The following SPANXN1 variants were observed in gnomAD, a reference collection of about 807,000 sequenced individuals.
The protein encoded by SPANXN1 is SPANX family member N1.
SPANXN1 carries 1 observed loss-of-function variant against 2.0 expected under a neutral mutation model. That is an observed-to-expected ratio of 0.50 (90% CI 0.18 to 2.36). The LOEUF (loss-of-function observed/expected upper bound fraction) is 2.36. Among genes scored for constraint, SPANXN1 ranks in the 30% most tolerant of loss-of-function variants. The pLI, the probability that SPANXN1 is intolerant of heterozygous loss-of-function variation, is 0.26. For synonymous variants in SPANXN1, 27 were observed against 21.3 expected, an observed-to-expected ratio of 1.27 and a Z score of -0.74; for missense variants, 55 against 51.8, an observed-to-expected ratio of 1.06 and a Z score of -0.19.
chrX:145,247,717 A>T, intron 1 of SPANXN1, 56 bp downstream of exon 1: 1 of 1,125,070 alleles, frequency 8.9e-7, no homozygotes, highest in Non-Finnish European at 1.2e-6. Context: ...CACACAGAGA[A>T]GGGACGGCTC....
At chrX:145,248,807 G>A (rs1264194572) in intron 1 of SPANXN1, among the ~76,000 whole-genome samples, 9 of 111,599 alleles carry the variant, frequency 8.1e-5, no homozygotes, top group African/African-American at 2.6e-4. Context: ...GGGGAAATGG[G>A]TTTTTGTAAC....
chrX:145,248,599 A>G (rs1556882104), intron 1 of SPANXN1, among the ~76,000 whole-genome samples: 1 of 112,077 alleles, frequency 8.9e-6, no homozygotes, highest in African/African-American at 3.2e-5. Flanking sequence ...AAAGTTGTAG[A>G]TTATGGCGGT....
intron 1 of SPANXN1, among the ~76,000 whole-genome samples, chrX:145,250,204 C>T (rs1449886026): frequency 6.3e-5 from 7 of 111,669 alleles, no homozygotes; most frequent in Admixed American, 5.7e-4. Flanking sequence ...GATGCAAGAG[C>T]GAGTTTAAAC....
At chrX:145,254,563 T>TCC (rs2070800323) in intron 1 of SPANXN1, among the ~76,000 whole-genome samples, 1 of 112,250 alleles carries the variant, frequency 8.9e-6, no homozygotes, top group African/African-American at 3.2e-5. Flanking sequence ...CTATTCATGC[T>TCC]CCCCAGAGGC....
intron 1 of SPANXN1, among the ~76,000 whole-genome samples, chrX:145,250,049 G>A (rs1449150653): frequency 9.0e-6 from 1 of 111,307 alleles, no homozygotes; most frequent in Non-Finnish European, 1.9e-5. Flanking sequence ...CATTTTAACC[G>A]TTAGGGAGAG....
chrX:145,249,144 C>T lies in SPANXN1; in HGVS notation c.75+1483C>T, dbSNP rs183038085. ...AGTAGGTGAGATGCAGGTTTATTTT[C>T]GACCAGGTTTATGTGGCCAGGTTGA... On this transcript the variant is annotated intron_variant, in intron 1 of 1. Coordinates refer to ENST00000370493, the MANE Select transcript of SPANXN1 (RefSeq NM_001009614.3). Among the ~76,000 whole-genome samples, 667 of 110,891 alleles carry T rather than the reference C, an allele frequency of 6.0e-3. 2 individuals are homozygous for T. The highest frequency in any genetic ancestry group is 9.4e-3 in the Non-Finnish European group (500 of 52,958).
rs1556883062 is a variant in SPANXN1, at chrX:145,255,696, T to C, written c.101T>C (p.Leu34Ser). The part of the protein sequence containing the change: ...DEMQETPNRD[L>S]APEPSLKKMK... ...ATGCAGGAGACACCAAACAGGGACT[T>C]AGCCCCCGAACCGAGTTTGAAAAAG... Residue 34 changes from leucine (L) to serine (S), a missense_variant, in exon 2 of 2, where the codon TTA becomes TCA. Coordinates refer to ENST00000370493, the MANE Select transcript of SPANXN1 (RefSeq NM_001009614.3). The C allele has an allele frequency of 8.3e-7, 1 of 1,210,381 alleles. No homozygotes were observed. Among genetic ancestry groups the C allele is most frequent in the African/African-American group, 1.7e-5 (1 of 57,188 alleles).
At chrX:145,247,768 G>A (rs2070767958) in intron 1 of SPANXN1, 107 bp downstream of exon 1, 1 of 945,712 alleles carries the variant, frequency 1.1e-6, no homozygotes, top group East Asian at 3.1e-5. Flanking sequence ...TGTGGAAGTG[G>A]GAGACCCGCT....
intron 1 of SPANXN1, among the ~76,000 whole-genome samples, chrX:145,253,291 T>C (rs2070793695): frequency 9.0e-6 from 1 of 111,147 alleles, no homozygotes; most frequent in African/African-American, 3.3e-5. Context: ...GGAACCCTGT[T>C]GAGTGGCAGC....
At chrX:145,252,951 C>T (rs782518393) in intron 1 of SPANXN1, among the ~76,000 whole-genome samples, 1 of 110,896 alleles carries the variant, frequency 9.0e-6, no homozygotes, top group African/African-American at 3.3e-5. Context: ...TTGGGTAAAA[C>T]CGAGTAACTA....
rs114495158 is a variant in SPANXN1, at chrX:145,252,528, C to T, written c.76-3143C>T. On this transcript the variant is annotated intron_variant, in intron 1 of 1. Transcript: ENST00000370493. ...CAAATAGGATTGAGGCCCCTTAAAC[C>T]GGCTGGATTAAGTGGATATTGAGAC... is the stretch of plus-strand genomic sequence containing the variant. 8.6e-3 allele frequency among the ~76,000 whole-genome samples: 948 copies of T among 110,588 alleles called. 15 individuals are homozygous for T. Among genetic ancestry groups the T allele is most frequent in the African/African-American group, 0.03 (913 of 30,328 alleles).
At position 145,255,786 on chromosome X, in the gene SPANXN1, C is replaced by A. The variant is rs1556883102; in HGVS notation, c.191C>A (p.Ser64Ter). 1.6e-5 allele frequency: 19 copies of A among 1,212,030 alleles called. No homozygotes were observed. Among genetic ancestry groups the A allele is most frequent in the Non-Finnish European group, 1.9e-5 (17 of 895,599 alleles). The part of the protein sequence containing the change: ...FCYRKAKKIH[S>*]NQLENDQS ...TACAGGAAAGCTAAGAAAATACATT[C>A]AAATCAACTGGAGAATGACCAGTCC... The change falls in exon 2 of 2, where the codon TCA (serine) becomes TAA (stop). Residue 64 changes from serine to a stop codon, truncating the protein, a stop_gained. Coordinates refer to ENST00000370493, the MANE Select transcript of SPANXN1 (RefSeq NM_001009614.3). LOFTEE classifies it low-confidence loss of function (END_TRUNC).
At chrX:145,255,636 A>G (rs1556883046) in intron 1 of SPANXN1, 35 bp from the exon 2 acceptor site, 7 of 1,210,784 alleles carry the variant, frequency 5.8e-6, no homozygotes, top group Non-Finnish European at 7.8e-6. Context: ...CACCCAAAAT[A>G]ATGTCTTTCT....
At chrX:145,252,780 C>T (rs1556882627) in intron 1 of SPANXN1, among the ~76,000 whole-genome samples, 2 of 109,885 alleles carry the variant, frequency 1.8e-5, no homozygotes, top group Admixed American at 9.7e-5. Flanking sequence ...CTTAATATGT[C>T]CCACCCCAAG....
Position 145,249,543 on chromosome X carries a change from A to C in SPANXN1, c.75+1882A>C, listed in dbSNP as rs114415668. ...GGGCTAGGGTGTTCTGGATTGGCAA[A>C]TTCTGGAATTCTTGTTAAGTACAGT... On this transcript the variant is annotated intron_variant, in intron 1 of 1. Transcript: ENST00000370493. Among the ~76,000 whole-genome samples, 907 of 111,557 alleles carry C rather than the reference A, an allele frequency of 8.1e-3. 13 individuals carry two copies. The highest frequency in any genetic ancestry group is 0.028 in the African/African-American group (872 of 30,610).
rs782658199 is a variant in SPANXN1, at chrX:145,248,434, C to T, written c.75+773C>T. On this transcript the variant is annotated intron_variant, in intron 1 of 1. Transcript: ENST00000370493. ...CCTAAGAAAGGGACCACCTGCTATC[C>T]CAGTGCTGAGTGCATCAGAGATGCT... Among the ~76,000 whole-genome samples, 12 of 111,609 alleles carry T rather than the reference C, an allele frequency of 1.1e-4. No homozygotes were observed. In the Admixed American group the frequency reaches 1.1e-3, roughly 11 times the overall value.
At chrX:145,248,835 C>G (rs1224687026) in intron 1 of SPANXN1, among the ~76,000 whole-genome samples, 4 of 111,705 alleles carry the variant, frequency 3.6e-5, no homozygotes, top group Non-Finnish European at 5.6e-5. Flanking sequence ...CACTGTGGTC[C>G]TTACAGGGCA....
intron 1 of SPANXN1, among the ~76,000 whole-genome samples, chrX:145,254,370 T>C (rs1452059468): frequency 1.8e-5 from 2 of 112,134 alleles, no homozygotes; most frequent in Non-Finnish European, 3.8e-5. Context: ...TTTTGTTTTT[T>C]TGGAAGAGGG....
chrX:145,255,184 C>T (rs1390670452), intron 1 of SPANXN1, among the ~76,000 whole-genome samples: 3 of 111,610 alleles, frequency 2.7e-5, no homozygotes, highest in African/African-American at 9.8e-5. Context: ...GGGGTACTTA[C>T]AGGTATGGGT....
Sources: gnomAD v4.1 joint callset for allele counts (sites outside exome capture counted in the v4.1 genomes callset) on GRCh38, gnomAD v4.1.1 for gene constraint, MANE v1.5 for transcripts, NCBI Gene and HGNC (gene_info 2026-07-23, HGNC 2026-07-21) for gene names.